CALN1: variants seen among roughly 807,000 people sequenced by gnomAD.
CALN1 encodes the protein calneuron 1.
In CALN1, 17 loss-of-function variants were observed where a neutral mutation model predicts 30.6. The ratio of observed to expected loss-of-function variants is 0.56; its 90% CI spans 0.38 to 0.83. CALN1 has a LOEUF of 0.83. Among genes scored for constraint, CALN1 ranks in the 40% least tolerant of loss-of-function variants. The probability of loss-of-function intolerance (pLI) is 0.00; values close to 1 mark genes in which losing one functional copy is unlikely to be tolerated. For missense variants in CALN1, 291 were observed against 354.9 expected, an observed-to-expected ratio of 0.82 and a Z score of 1.45; for synonymous variants, 156 against 131.4, an observed-to-expected ratio of 1.19 and a Z score of -1.28.
At chr7:72,089,415 A>C (rs1211946311) in intron 4 of CALN1, among the ~76,000 whole-genome samples, 1 of 152,186 alleles carries the variant, frequency 6.6e-6, no homozygotes, top group Non-Finnish European at 1.5e-5. Context: ...CCACAAAACA[A>C]AATGACGGAA....
intron 4 of CALN1, among the ~76,000 whole-genome samples, chr7:72,026,351 C>T (rs1416246131): frequency 3.9e-5 from 6 of 152,060 alleles, no homozygotes; most frequent in Non-Finnish European, 7.4e-5. Context: ...TTTGGGAGGC[C>T]GAGGCAGGTG....
chr7:72,387,536 G>A (rs374297527), intron 2 of CALN1, among the ~76,000 whole-genome samples: 4 of 152,228 alleles, frequency 2.6e-5, no homozygotes, highest in African/African-American at 9.6e-5. Context: ...CAGTCATGTT[G>A]ACAGTGTAAG....
At chr7:72,445,296 C>T (rs1171647315) in intron 1 of CALN1, among the ~76,000 whole-genome samples, 2 of 152,146 alleles carry the variant, frequency 1.3e-5, no homozygotes, top group African/African-American at 2.4e-5. Flanking sequence ...GTGACTATAG[C>T]TGTGTGGACG....
At chr7:72,135,336 T>C (rs969955767) in intron 3 of CALN1, among the ~76,000 whole-genome samples, 1 of 152,346 alleles carries the variant, frequency 6.6e-6, no homozygotes. Flanking sequence ...AATCACTACG[T>C]ATGGCAGCTA....
intron 5 of CALN1, among the ~76,000 whole-genome samples, chr7:71,832,956 C>T (rs755255347): frequency 3.3e-5 from 5 of 152,114 alleles, no homozygotes; most frequent in Admixed American, 1.3e-4. Flanking sequence ...GTGTCCTGCC[C>T]GCGATGTCTT....
At chr7:71,878,257 C>T (rs1363113725) in intron 5 of CALN1, among the ~76,000 whole-genome samples, 1 of 152,070 alleles carries the variant, frequency 6.6e-6, no homozygotes, top group East Asian at 1.9e-4. Flanking sequence ...ATAATGTGGG[C>T]CAGGCACAGC....
intron 2 of CALN1, among the ~76,000 whole-genome samples, chr7:72,349,282 T>TTG (rs3032183): frequency 0.052 from 7,746 of 147,704 alleles, 191 homozygotes; most frequent in African/African-American, 0.072. Flanking sequence ...ACACGCGTGC[T>TTG]TGTGTGTGTG....
intron 3 of CALN1, among the ~76,000 whole-genome samples, chr7:72,146,451 C>A (rs1224406928): frequency 6.6e-6 from 1 of 152,172 alleles, no homozygotes; most frequent in Non-Finnish European, 1.5e-5. Flanking sequence ...CAAACCACTA[C>A]TCAACGAAAT....
At chr7:71,859,100 A>G (rs1366347062) in intron 5 of CALN1, among the ~76,000 whole-genome samples, 3 of 152,026 alleles carry the variant, frequency 2.0e-5, no homozygotes, top group Non-Finnish European at 4.4e-5. Flanking sequence ...GTTTTGCTCT[A>G]TCCCCAAGCT....
At chr7:72,237,802 A>C (rs1052138459) in intron 3 of CALN1, among the ~76,000 whole-genome samples, 1 of 152,296 alleles carries the variant, frequency 6.6e-6, no homozygotes, top group South Asian at 2.1e-4. Context: ...TCAAGAGGAA[A>C]TCTATAAGGT....
chr7:72,161,627 T>C (rs956230136), intron 3 of CALN1, among the ~76,000 whole-genome samples: 3 of 152,152 alleles, frequency 2.0e-5, no homozygotes, highest in Non-Finnish European at 4.4e-5. Flanking sequence ...GGAGGTAGAA[T>C]GCTGGGCAAA....
chr7:72,315,521 A>C lies in CALN1; in HGVS notation c.120-36711T>G, dbSNP rs568842411. ...CGGGAGTTCGGGACCAGCCTGGAAA[A>C]CACAGCAAGATCCTGTCTCTACAAA... On this transcript the variant is annotated intron_variant, in intron 2 of 6. Coordinates refer to ENST00000395275, the MANE Select transcript of CALN1 (RefSeq NM_031468.4). 1.6e-3 allele frequency among the ~76,000 whole-genome samples: 243 copies of C among 152,136 alleles called. 1 individual carries two copies. Among genetic ancestry groups the C allele is most frequent in the African/African-American group, 5.6e-3 (233 of 41,524 alleles).
chr7:72,340,275 G>C (rs770889334), intron 2 of CALN1, among the ~76,000 whole-genome samples: 27 of 152,136 alleles, frequency 1.8e-4, no homozygotes, highest in Non-Finnish European at 3.4e-4. Context: ...ATCTCCCTAT[G>C]TTGCCCAGGC....
chr7:72,202,335 CAATATA>C (rs1347651526), intron 3 of CALN1, among the ~76,000 whole-genome samples: 4 of 151,926 alleles, frequency 2.6e-5, no homozygotes, highest in African/African-American at 9.7e-5. Context: ...TTTAAAACTC[CAATATA>C]AATATAATAA....
chr7:71,909,726 C>T (rs1051502097), intron 5 of CALN1, among the ~76,000 whole-genome samples: 4 of 152,124 alleles, frequency 2.6e-5, no homozygotes, highest in Non-Finnish European at 5.9e-5. Context: ...CACTTGGTTT[C>T]CATTCTCTGA....
chr7:71,847,509 C>A (rs112018921), intron 5 of CALN1, among the ~76,000 whole-genome samples: 14,912 of 150,502 alleles, frequency 0.099, 2,199 homozygotes, highest in African/African-American at 0.32. Context: ...AAAACCAAAA[C>A]CAAAACCAAA....
At chr7:72,501,489 A>G in the CALN1 span, among the ~76,000 whole-genome samples, 1 of 139,312 alleles carries the variant, frequency 7.2e-6, no homozygotes, top group Non-Finnish European at 1.6e-5. Context: ...GAAGGAGGGA[A>G]GGAAGGAAGG....
intron 2 of CALN1, among the ~76,000 whole-genome samples, chr7:72,331,336 C>T (rs981450304): frequency 4.0e-5 from 6 of 151,602 alleles, no homozygotes; most frequent in African/African-American, 1.2e-4. Flanking sequence ...GGCAACAGAG[C>T]GAGACTCCAT....
chr7:72,133,423 A>G (rs1301754149), intron 3 of CALN1, among the ~76,000 whole-genome samples: 1 of 152,244 alleles, frequency 6.6e-6, no homozygotes, highest in Admixed American at 6.5e-5. Context: ...AATGAATAAG[A>G]CAAGGCTCTT....
Sources: gnomAD v4.1 joint callset for allele counts (sites outside exome capture counted in the v4.1 genomes callset) on GRCh38, gnomAD v4.1.1 for gene constraint, MANE v1.5 for transcripts, NCBI Gene and HGNC (gene_info 2026-07-23, HGNC 2026-07-21) for gene names.